Variants in CEP112 observed in about 807,000 individuals in gnomAD.
The protein encoded by CEP112 is centrosomal protein of 112 kDa.
CEP112 carries 127 observed loss-of-function variants against 153.0 expected under a neutral mutation model. That is an observed-to-expected ratio of 0.83 (90% CI 0.72 to 0.96). CEP112 has a LOEUF of 0.96. Among genes scored for constraint, CEP112 ranks in the 40% least tolerant of loss-of-function variants. The pLI, the probability that CEP112 is intolerant of heterozygous loss-of-function variation, is 0.00. For synonymous variants in CEP112, 358 were observed against 374.4 expected, an observed-to-expected ratio of 0.96 and a Z score of 0.51; for missense variants, 1,089 against 1,101.2, an observed-to-expected ratio of 0.99 and a Z score of 0.16.
rs140213349 is a variant in CEP112, at chr17:66,091,380, CAA to C, written c.768+4869_768+4870del. ...CATGTTTAATACTAGAAATCAGTAA[CAA>C]GAGGAATTTCAGAAAATTGACAAAT... On this transcript the variant is annotated intron_variant, in intron 8 of 26. Coordinates refer to ENST00000535342, the MANE Select transcript of CEP112 (RefSeq NM_001199165.4). 9.4e-3 allele frequency among the ~76,000 whole-genome samples: 1,432 copies of C among 151,952 alleles called. 18 individuals carry two copies. Among genetic ancestry groups the C allele is most frequent in the African/African-American group, 0.032 (1,308 of 41,450 alleles).
At chr17:65,669,310 AG>A (rs2046849812) in intron 24 of CEP112, among the ~76,000 whole-genome samples, 1 of 152,240 alleles carries the variant, frequency 6.6e-6, no homozygotes, top group African/African-American at 2.4e-5. Context: ...TTCTCTTCTA[AG>A]GAATAGTTTT....
chr17:65,726,040 A>T (rs1427495911), intron 23 of CEP112, among the ~76,000 whole-genome samples: 1 of 152,076 alleles, frequency 6.6e-6, no homozygotes, highest in African/African-American at 2.4e-5. Flanking sequence ...AAGAAACGAA[A>T]AGTGTGAGGC....
intron 20 of CEP112, among the ~76,000 whole-genome samples, chr17:65,859,744 C>G (rs1464495082): frequency 6.7e-6 from 1 of 148,822 alleles, no homozygotes; most frequent in African/African-American, 2.5e-5. Flanking sequence ...TGCGGTGGCT[C>G]ATGCCTGTAA....
intron 17 of CEP112, among the ~76,000 whole-genome samples, chr17:65,986,495 T>C (rs1422803610): frequency 6.6e-6 from 1 of 152,174 alleles, no homozygotes; most frequent in African/African-American, 2.4e-5. Context: ...CATCTACTAG[T>C]GTTTCACACA....
intron 17 of CEP112, among the ~76,000 whole-genome samples, chr17:65,976,735 C>CTT (rs771108755): frequency 0.42 from 35,023 of 84,146 alleles, 6,412 homozygotes; most frequent in East Asian, 0.82. Context: ...ATAACTTTTT[C>CTT]TTTTTTTTTT....
intron 18 of CEP112, among the ~76,000 whole-genome samples, chr17:65,942,390 T>C (rs2061531613): frequency 6.6e-6 from 1 of 152,144 alleles, no homozygotes; most frequent in Non-Finnish European, 1.5e-5. Flanking sequence ...TTAAATAGTA[T>C]AGGTGCTTAT....
rs531277444 is a variant in CEP112, at chr17:66,147,915, G to T, written c.471-15152C>A. Among the ~76,000 whole-genome samples, 53 of 152,186 alleles carry T rather than the reference G, an allele frequency of 3.5e-4. 3 individuals carry two copies. Among genetic ancestry groups the T allele is most frequent in the Non-Finnish European group, 1.8e-4 (12 of 68,036 alleles). The stretch of plus-strand genomic sequence containing the variant: ...CTGTTTTGATAACAGTGGCTTTGCA[G>T]CAAGTTTCCAAATCAGGAAATGTAA... On this transcript the variant is annotated intron_variant, in intron 4 of 26. Coordinates refer to ENST00000535342, the MANE Select transcript of CEP112 (RefSeq NM_001199165.4).
At chr17:66,010,493 A>G (rs552038522) in intron 16 of CEP112, among the ~76,000 whole-genome samples, 3 of 152,146 alleles carry the variant, frequency 2.0e-5, no homozygotes, top group African/African-American at 7.2e-5. Flanking sequence ...TTCCACTACT[A>G]TGTTAAATAG....
chr17:65,944,255 AC>A (rs779203528), intron 18 of CEP112, among the ~76,000 whole-genome samples: 3 of 152,056 alleles, frequency 2.0e-5, no homozygotes, highest in Non-Finnish European at 4.4e-5. Flanking sequence ...GGTGCAGTAA[AC>A]CCCCATGGCA....
chr17:66,068,549 T>C (rs999167298), intron 9 of CEP112, among the ~76,000 whole-genome samples: 1 of 152,190 alleles, frequency 6.6e-6, no homozygotes, highest in African/African-American at 2.4e-5. Context: ...TCCTGATGCT[T>C]AGAAAATGCC....
At chr17:65,807,098 TA>T in intron 21 of CEP112, among the ~76,000 whole-genome samples, 1 of 152,146 alleles carries the variant, frequency 6.6e-6, no homozygotes, top group Non-Finnish European at 1.5e-5. Flanking sequence ...CAGATGGAGA[TA>T]AAGAACTTAT....
intron 17 of CEP112, among the ~76,000 whole-genome samples, chr17:65,971,097 T>C (rs2062753181): frequency 6.6e-6 from 1 of 152,240 alleles, no homozygotes; most frequent in African/African-American, 2.4e-5. Context: ...GTATATTACA[T>C]GGTACATTGC....
At chr17:65,687,147 A>G (rs2047838769) in intron 24 of CEP112, among the ~76,000 whole-genome samples, 2 of 147,114 alleles carry the variant, frequency 1.4e-5, no homozygotes, top group Admixed American at 1.4e-4. Flanking sequence ...TTGATAAGGT[A>G]TAGTTATTAT....
chr17:65,703,135 G>A (rs1203262498), intron 23 of CEP112, among the ~76,000 whole-genome samples: 1 of 152,168 alleles, frequency 6.6e-6, no homozygotes, highest in Non-Finnish European at 1.5e-5. Context: ...CTAACTCAAA[G>A]CTGTCATGCT....
At chr17:66,007,793 T>C (rs915593797) in intron 16 of CEP112, among the ~76,000 whole-genome samples, 1 of 152,212 alleles carries the variant, frequency 6.6e-6, no homozygotes, top group Non-Finnish European at 1.5e-5. Flanking sequence ...AGATGTTATC[T>C]TACACTGGTG....
intron 17 of CEP112, among the ~76,000 whole-genome samples, chr17:65,974,004 C>A (rs2052959974): frequency 6.6e-6 from 1 of 152,100 alleles, no homozygotes. Flanking sequence ...TTATTTCTCA[C>A]CTACCAGATT....
intron 19 of CEP112, among the ~76,000 whole-genome samples, chr17:65,917,559 T>G (rs1482595007): frequency 6.6e-6 from 1 of 152,182 alleles, no homozygotes; most frequent in Non-Finnish European, 1.5e-5. Flanking sequence ...CCACTTTTAT[T>G]TGCTCTCCTG....
At chr17:65,958,866 C>A (rs931864722) in intron 18 of CEP112, among the ~76,000 whole-genome samples, 3 of 150,586 alleles carry the variant, frequency 2.0e-5, no homozygotes, top group Non-Finnish European at 4.4e-5. Context: ...TCTGGGCCTC[C>A]CCATGGCCAC....
chr17:66,116,265 C>T (rs2069288020), intron 6 of CEP112, among the ~76,000 whole-genome samples: 1 of 151,264 alleles, frequency 6.6e-6, no homozygotes, highest in Non-Finnish European at 1.5e-5. Context: ...CAACAATTAA[C>T]ATTTTTTTTT....
Sources: gnomAD v4.1 joint callset for allele counts (sites outside exome capture counted in the v4.1 genomes callset) on GRCh38, gnomAD v4.1.1 for gene constraint, MANE v1.5 for transcripts, NCBI Gene and HGNC (gene_info 2026-07-23, HGNC 2026-07-21) for gene names.